CTNND2: variants seen among roughly 807,000 people sequenced by gnomAD.
CTNND2 encodes catenin delta 2, also known as catenin delta-2.
In CTNND2, 22 loss-of-function variants were observed where a neutral mutation model predicts 144.4. That is an observed-to-expected ratio of 0.15 (90% CI 0.11 to 0.22). The LOEUF is 0.22. Ranked by LOEUF, CTNND2 falls within the 10% of genes least tolerant of loss-of-function variation. CTNND2 has a pLI of 1.00. For missense variants in CTNND2, 1,353 were observed against 1,618.8 expected, an observed-to-expected ratio of 0.84 and a Z score of 2.82; for synonymous variants, 751 against 695.6, an observed-to-expected ratio of 1.08 and a Z score of -1.25.
At chr5:11,090,148 G>A (rs1397922198) in intron 15 of CTNND2, among the ~76,000 whole-genome samples, 4 of 152,186 alleles carry the variant, frequency 2.6e-5, no homozygotes, top group Non-Finnish European at 4.4e-5. Context: ...ATGAATACTT[G>A]TTTGTCTCCA....
Position 11,564,970 on chromosome 5 carries a change from G to C in CTNND2, c.261C>G (p.Ser87=). The C allele has an allele frequency of 1.2e-6, 2 of 1,613,862 alleles. No homozygotes were observed. Among genetic ancestry groups the C allele is most frequent in the Non-Finnish European group, 1.7e-6 (2 of 1,179,820 alleles). The part of the protein sequence containing the change: ...ASQLERCKLG[S]ETGSMSSMSS... ...TCATGCTGCTCATGCTGCCAGTCTC[G>C]GATCCGAGCTTGCATCGCTCCAGCT... Residue 87 remains serine (S), a synonymous_variant, in exon 3 of 22, where the codon TCC becomes TCG. Coordinates refer to ENST00000304623, the MANE Select transcript of CTNND2 (RefSeq NM_001332.4).
intron 9 of CTNND2, among the ~76,000 whole-genome samples, chr5:11,276,995 G>A (rs1746606834): frequency 1.3e-5 from 2 of 152,170 alleles, no homozygotes; most frequent in South Asian, 2.1e-4. Context: ...ATACATTTCT[G>A]TTGTTTTAAA....
intron 18 of CTNND2, among the ~76,000 whole-genome samples, chr5:10,997,180 A>T (rs1457995398): frequency 6.6e-6 from 1 of 152,168 alleles, no homozygotes; most frequent in Non-Finnish European, 1.5e-5. Context: ...GGGTTCTCTG[A>T]AATCCTCCGG....
intron 9 of CTNND2, among the ~76,000 whole-genome samples, chr5:11,300,077 G>A (rs1749427578): frequency 6.6e-6 from 1 of 152,152 alleles, no homozygotes; most frequent in Non-Finnish European, 1.5e-5. Context: ...AGCCTCTGGG[G>A]GTGCAGGGAC....
At chr5:11,252,981 C>A (rs1024071750) in intron 9 of CTNND2, among the ~76,000 whole-genome samples, 2 of 152,098 alleles carry the variant, frequency 1.3e-5, no homozygotes, top group African/African-American at 2.4e-5. Context: ...TTTTATGTTG[C>A]TGACTTTTAT....
chr5:11,224,357 T>C (rs1740105822), intron 10 of CTNND2, among the ~76,000 whole-genome samples: 1 of 152,146 alleles, frequency 6.6e-6, no homozygotes, highest in Non-Finnish European at 1.5e-5. Context: ...GGATCACATA[T>C]CACATCTCTC....
At chr5:11,655,751 G>A (rs1782881342) in intron 2 of CTNND2, among the ~76,000 whole-genome samples, 1 of 152,010 alleles carries the variant, frequency 6.6e-6, no homozygotes, top group African/African-American at 2.4e-5. Context: ...TGTACTAGAA[G>A]CAACCCTAAG....
intron 12 of CTNND2, among the ~76,000 whole-genome samples, chr5:11,130,340 G>A (rs776611909): frequency 2.6e-5 from 4 of 152,088 alleles, no homozygotes; most frequent in Non-Finnish European, 4.4e-5. Context: ...ACACTGCACC[G>A]TTTTAAGACT....
intron 11 of CTNND2, among the ~76,000 whole-genome samples, chr5:11,163,572 T>C (rs1041487754): frequency 2.6e-5 from 4 of 152,222 alleles, no homozygotes; most frequent in Non-Finnish European, 4.4e-5. Context: ...CCACTCTCTC[T>C]GTTGCTTTCT....
chr5:11,055,729 G>C (rs977791203), intron 16 of CTNND2, among the ~76,000 whole-genome samples: 1 of 152,210 alleles, frequency 6.6e-6, no homozygotes, highest in Non-Finnish European at 1.5e-5. Context: ...CAGTGCTGTG[G>C]AGGTTGGCTG....
chr5:11,066,913 G>C (rs1355301513), intron 16 of CTNND2, among the ~76,000 whole-genome samples: 1 of 152,164 alleles, frequency 6.6e-6, no homozygotes, highest in African/African-American at 2.4e-5. Flanking sequence ...CAGCAGATTA[G>C]CAATCTGACC....
Position 11,789,949 on chromosome 5 carries a change from T to A in CTNND2, c.38-57677A>T, listed in dbSNP as rs879248345. Among the ~76,000 whole-genome samples, 126 of 152,344 alleles carry A rather than the reference T, an allele frequency of 8.3e-4. 2 individuals carry two copies. In the Middle Eastern group the frequency reaches 0.01, roughly 12 times the overall value. On this transcript the variant is annotated intron_variant, in intron 1 of 21. Transcript: ENST00000304623. ...CACGTTATCAAATGTATGTTGAACA[T>A]CTGCTGAGATGACCAGAAAGCCTTT...
intron 3 of CTNND2, among the ~76,000 whole-genome samples, chr5:11,421,043 A>T (rs931396501): frequency 6.6e-6 from 1 of 152,062 alleles, no homozygotes; most frequent in African/African-American, 2.4e-5. Flanking sequence ...AGAAGCTCCC[A>T]CTTCTGACCA....
At chr5:11,188,339 A>T (rs761770795) in intron 11 of CTNND2, among the ~76,000 whole-genome samples, 1 of 152,224 alleles carries the variant, frequency 6.6e-6, no homozygotes, top group Admixed American at 6.5e-5. Context: ...TATCCTCAGC[A>T]AACTAACACA....
chr5:11,131,985 T>C (rs753834867), intron 12 of CTNND2, among the ~76,000 whole-genome samples: 1 of 152,238 alleles, frequency 6.6e-6, no homozygotes, highest in Admixed American at 6.5e-5. Flanking sequence ...TTGAGGTCTA[T>C]TTCTTGTTTT....
At chr5:11,297,912 A>G (rs1749186857) in intron 9 of CTNND2, among the ~76,000 whole-genome samples, 1 of 152,230 alleles carries the variant, frequency 6.6e-6, no homozygotes, top group African/African-American at 2.4e-5. Flanking sequence ...TGAAAATACC[A>G]TCATCCTAAT....
chr5:11,372,440 T>C (rs1581040858), intron 7 of CTNND2, among the ~76,000 whole-genome samples: 1 of 152,174 alleles, frequency 6.6e-6, no homozygotes, highest in East Asian at 1.9e-4. Context: ...GTGTCAAGCT[T>C]TGCATTTTTA....
intron 2 of CTNND2, among the ~76,000 whole-genome samples, chr5:11,617,897 G>T (rs1780654022): frequency 6.6e-6 from 1 of 152,126 alleles, no homozygotes; most frequent in South Asian, 2.1e-4. Flanking sequence ...AGGTGTGTTT[G>T]ACTGCCCACA....
intron 1 of CTNND2, among the ~76,000 whole-genome samples, chr5:11,863,119 T>TAA (rs1262958819): frequency 1.3e-5 from 2 of 152,224 alleles, no homozygotes; most frequent in African/African-American, 4.8e-5. Flanking sequence ...TCCACGTGTT[T>TAA]AAATTGTGTT....
Sources: gnomAD v4.1 joint callset for allele counts (sites outside exome capture counted in the v4.1 genomes callset) on GRCh38, gnomAD v4.1.1 for gene constraint, MANE v1.5 for transcripts, NCBI Gene and HGNC (gene_info 2026-07-23, HGNC 2026-07-21) for gene names.